Variants in IKZF3 observed in about 807,000 individuals in gnomAD.
IKZF3 encodes the protein zinc finger protein Aiolos.
Under a neutral mutation model 49.0 loss-of-function variants are expected in IKZF3, and 10 were observed. The observed-to-expected ratio is 0.20, with a 90% CI of 0.13 to 0.35. The LOEUF (loss-of-function observed/expected upper bound fraction) is 0.35. IKZF3 is among the 10% of genes least tolerant of loss of function. The pLI is 1.00. For synonymous variants in IKZF3, 209 were observed against 228.2 expected (o/e 0.92, Z 0.76); for missense variants, 498 against 664.8 (o/e 0.75, Z 2.76).
intron 3 of IKZF3, among the ~76,000 whole-genome samples, chr17:39,819,905 G>GA (rs1052970476): frequency 2.0e-5 from 3 of 152,038 alleles, no homozygotes; most frequent in South Asian, 2.1e-4. Flanking sequence ...CTGACCTCCA[G>GA]AAAAATCCGC....
At chr17:39,802,096 C>A (rs1598052954) in intron 3 of IKZF3, among the ~76,000 whole-genome samples, 1 of 151,568 alleles carries the variant, frequency 6.6e-6, no homozygotes, top group African/African-American at 2.4e-5. Context: ...GTGACGGGCA[C>A]CTGTAGTCCC....
intron 3 of IKZF3, among the ~76,000 whole-genome samples, chr17:39,812,881 G>A (rs1162740300): frequency 6.6e-6 from 1 of 151,968 alleles, no homozygotes; most frequent in African/African-American, 2.4e-5. Flanking sequence ...GGCAAATCAC[G>A]AGGTCAGGAG....
chr17:39,807,399 T>C (rs2144060179), intron 3 of IKZF3, among the ~76,000 whole-genome samples: 2 of 150,220 alleles, frequency 1.3e-5, no homozygotes, highest in Middle Eastern at 6.9e-3. Flanking sequence ...TACAATGATA[T>C]TCTTTTTTTT....
At chr17:39,839,565 A>G in intron 1 of IKZF3, 1 of 508,152 alleles carries the variant, frequency 2.0e-6, no homozygotes, top group Middle Eastern at 4.3e-4. Context: ...ATGGCGGAGA[A>G]AGGAAGAGAG....
chr17:39,809,413 T>C (rs548021247), intron 3 of IKZF3, among the ~76,000 whole-genome samples: 1 of 152,350 alleles, frequency 6.6e-6, no homozygotes, highest in African/African-American at 2.4e-5. Flanking sequence ...TCTTGTTTAT[T>C]GGTGTTTGAA....
rs1419218668 is a variant in IKZF3 at position 39,763,572 on chromosome 17, C to T, written c.*2218G>A. 1 of 152,104 alleles carries T rather than the reference C, an allele frequency of 6.6e-6. No individual in the cohort carries two copies. The highest frequency in any genetic ancestry group is 2.4e-5 in the African/African-American group (1 of 41,416). The allele number at this position is 152,104 out of a possible 1,614,324, so 9.4% of individuals were successfully genotyped here. On this transcript the variant is annotated 3_prime_UTR_variant, in exon 8 of 8. Transcript: ENST00000346872. ...ATGCTTTGTGGCAAGATCAAAATAC[C>T]TTTCTGTTTTTTGTTCCTCTCCACC...
intron 3 of IKZF3, among the ~76,000 whole-genome samples, chr17:39,815,177 C>A (rs747603558): frequency 3.0e-4 from 45 of 152,302 alleles, no homozygotes; most frequent in Non-Finnish European, 4.7e-4. Context: ...CATGACAGAA[C>A]CTTTCCTTCT....
At chr17:39,836,081 C>T (rs2144348514) in intron 1 of IKZF3, 4 of 657,888 alleles carry the variant, frequency 6.1e-6, no homozygotes, top group Non-Finnish European at 8.3e-6. Flanking sequence ...TCAGGAACCG[C>T]GATGAAGGGG....
In IKZF3 at chr17:39,792,779, GACA is replaced by G; in HGVS notation, c.315_317del (p.Val106del). 9.9e-6 allele frequency: 16 copies of G among 1,614,138 alleles called. No homozygotes were observed. The highest frequency in any genetic ancestry group is 1.4e-5 in the Non-Finnish European group (16 of 1,179,990). ...TGGTTGGCCTGCTACTATCGAATGAGACAACATGTCTCTCCAACTTAATGTTTT... is the reference window on the plus strand; with the variant it reads ...TGGTTGGCCTGCTACTATCGAATGAGACATGTCTCTCCAACTTAATGTTTT... On this transcript the variant is annotated inframe_deletion, in exon 4 of 8. Coordinates refer to ENST00000346872, the MANE Select transcript of IKZF3 (RefSeq NM_012481.5).
At chr17:39,778,416 A>G (rs897563939) in intron 6 of IKZF3, among the ~76,000 whole-genome samples, 1 of 152,096 alleles carries the variant, frequency 6.6e-6, no homozygotes, top group Non-Finnish European at 1.5e-5. Flanking sequence ...AATAGTCTCA[A>G]TTAAAATTTC....
At chr17:39,832,812 G>C (rs749087182) in intron 1 of IKZF3, among the ~76,000 whole-genome samples, 2 of 152,078 alleles carry the variant, frequency 1.3e-5, no homozygotes, top group Non-Finnish European at 2.9e-5. Flanking sequence ...TGACAGCAGA[G>C]TAGGGTGACT....
At position 39,782,580 on chromosome 17, in the gene IKZF3, C is replaced by T. The variant is rs187101849; in HGVS notation, c.710-4813G>A. ...TTTAGGACCCAACTGTCTATTTATA[C>T]GAACAGTCTAGACTTGTTATCTTGC... is the stretch of plus-strand genomic sequence containing the variant. On this transcript the variant is annotated intron_variant, in intron 6 of 7. Transcript: ENST00000346872. Among the ~76,000 whole-genome samples, 34 of 152,278 alleles carry T rather than the reference C, an allele frequency of 2.2e-4. No individual in the cohort carries two copies. The South Asian group carries it at 5.8e-3, about 26-fold the overall frequency.
At chr17:39,838,337 A>T (rs536919949) in intron 1 of IKZF3, among the ~76,000 whole-genome samples, 1 of 152,288 alleles carries the variant, frequency 6.6e-6, no homozygotes, top group African/African-American at 2.4e-5. Context: ...TTCAGAAGGA[A>T]TAATTTCTAT....
In IKZF3 at chr17:39,864,101, A is replaced by C. The variant is rs933708725; in HGVS notation, c.7+19T>G. On this transcript the variant is annotated intron_variant, in intron 1 of 7. Coordinates refer to ENST00000346872, the MANE Select transcript of IKZF3 (RefSeq NM_012481.5). ...GTTTCTCAAAGACCCCGGAGAAAAG[A>C]AGCGGGCTGGAGGCTCACCTTCCAT... 21 of 1,613,054 alleles carry C rather than the reference A, an allele frequency of 1.3e-5. No individual in the cohort carries two copies. The highest frequency in any genetic ancestry group is 1.8e-5 in the Non-Finnish European group (21 of 1,179,624).
intron 3 of IKZF3, among the ~76,000 whole-genome samples, chr17:39,805,800 C>A (rs754433534): frequency 3.9e-5 from 6 of 152,186 alleles, no homozygotes; most frequent in Non-Finnish European, 7.4e-5. Flanking sequence ...CATCCTAGCT[C>A]TACTGGAAAC....
chr17:39,817,639 T>C lies in IKZF3; in HGVS notation c.163+11748A>G, dbSNP rs190375401. Among the ~76,000 whole-genome samples, 3 of 152,340 alleles carry C rather than the reference T, an allele frequency of 2.0e-5. No individual in the cohort carries two copies. The East Asian group carries it at 5.8e-4, about 29-fold the overall frequency. On this transcript the variant is annotated intron_variant, in intron 3 of 7. Transcript: ENST00000346872. ...CTTAAATGTTTTCCTGTGCTGCATA[T>C]GGCAGTGGTACCTTATTATGCAGTA...
At chr17:39,805,208 CAAGG>C (rs953820036) in intron 3 of IKZF3, among the ~76,000 whole-genome samples, 16 of 152,160 alleles carry the variant, frequency 1.1e-4, no homozygotes, top group African/African-American at 3.9e-4. Context: ...ACCAAACAAA[CAAGG>C]AAGTAAGGAA....
chr17:39,837,122 C>G (rs185642185), intron 1 of IKZF3, among the ~76,000 whole-genome samples: 1 of 151,402 alleles, frequency 6.6e-6, no homozygotes, highest in Non-Finnish European at 1.5e-5. Context: ...TTTGTAGGGA[C>G]GGGGGTCTCA....
intron 7 of IKZF3, among the ~76,000 whole-genome samples, chr17:39,775,653 A>G (rs937690876): frequency 6.6e-6 from 1 of 152,178 alleles, no homozygotes; most frequent in Non-Finnish European, 1.5e-5. Context: ...AGCTGGGCGC[A>G]GTGGCTCACG....
Sources: allele counts gnomAD v4.1 joint callset (sites outside exome capture counted in the v4.1 genomes callset), GRCh38; gene constraint gnomAD v4.1.1; transcripts MANE v1.5; gene names NCBI Gene and HGNC (gene_info 2026-07-23, HGNC 2026-07-21).